Variants in TDRD9 observed in about 807,000 individuals in gnomAD.
The protein encoded by TDRD9 is tudor domain containing 9, also known as ATP-dependent RNA helicase TDRD9.
In TDRD9, 124 loss-of-function variants were observed where a neutral mutation model predicts 172.6. The observed-to-expected ratio is 0.72, with a 90% confidence interval of 0.62 to 0.83. The LOEUF (loss-of-function observed/expected upper bound fraction) is 0.83. Ranked by LOEUF, TDRD9 falls within the 40% of genes least tolerant of loss-of-function variation. The pLI, the probability that TDRD9 is intolerant of heterozygous loss-of-function variation, is 0.00. For missense variants in TDRD9, 1,479 were observed against 1,714.1 expected (o/e 0.86, Z 2.42); for synonymous variants, 619 against 617.1 (o/e 1.00, Z -0.05).
chr14:103,978,275 A>G (rs2033336274), intron 7 of TDRD9, among the ~76,000 whole-genome samples: 1 of 152,028 alleles, frequency 6.6e-6, no homozygotes, highest in African/African-American at 2.4e-5. Context: ...AGTCATTTTA[A>G]TAGTATAAAT....
chr14:104,023,636 C>T (rs1382167975), intron 24 of TDRD9, among the ~76,000 whole-genome samples: 1 of 152,232 alleles, frequency 6.6e-6, no homozygotes, highest in Non-Finnish European at 1.5e-5. Flanking sequence ...GACTGCTTGC[C>T]TTTTGGCCAT....
chr14:103,959,474 G>GTGTGTGTGTGTGTGTA (rs2032398990), intron 2 of TDRD9, among the ~76,000 whole-genome samples: 1 of 135,204 alleles, frequency 7.4e-6, no homozygotes, highest in Non-Finnish European at 1.6e-5. Context: ...GTGTGTGTGT[G>GTGTGTGTGTGTGTGTA]TGTGTGTATG....
intron 32 of TDRD9, among the ~76,000 whole-genome samples, chr14:104,038,027 C>T (rs748040954): frequency 1.1e-4 from 16 of 152,152 alleles, no homozygotes; most frequent in African/African-American, 1.7e-4. Flanking sequence ...TCTGAGAACA[C>T]GCTCTTATTG....
chr14:104,021,113 A>C (rs1430465258), intron 23 of TDRD9, among the ~76,000 whole-genome samples: 1 of 152,164 alleles, frequency 6.6e-6, no homozygotes, highest in Non-Finnish European at 1.5e-5. Flanking sequence ...AGGCCTCAGG[A>C]AACTTACAAT....
intron 19 of TDRD9, 110 bp downstream of exon 19, chr14:104,007,314 G>A (rs2034472450): frequency 9.7e-7 from 1 of 1,028,466 alleles, no homozygotes; most frequent in South Asian, 1.5e-5. Flanking sequence ...CCTGCGGCTG[G>A]AGTCGAGGTC....
At chr14:104,033,301 C>T (rs958423432) in intron 30 of TDRD9, among the ~76,000 whole-genome samples, 1 of 152,198 alleles carries the variant, frequency 6.6e-6, no homozygotes, top group Non-Finnish European at 1.5e-5. Context: ...CTTACAGTCT[C>T]AGGAGCCCCA....
At chr14:104,049,090 T>G (rs936334204) in intron 34 of TDRD9, among the ~76,000 whole-genome samples, 15 of 150,188 alleles carry the variant, frequency 1.0e-4, no homozygotes, top group Non-Finnish European at 2.2e-4. Flanking sequence ...TTCAAATGGT[T>G]GTTGTTGGTA....
chr14:103,938,440 A>ATTTTTTTTTTTTTTTT (rs71126087), intron 1 of TDRD9, among the ~76,000 whole-genome samples: 1 of 44,548 alleles, frequency 2.2e-5, no homozygotes, highest in Non-Finnish European at 3.7e-5. Flanking sequence ...ATATATATAT[A>ATTTTTTTTTTTTTTTT]TTTTTTTTTT....
chr14:104,033,491 G>A (rs2035348575), intron 30 of TDRD9, among the ~76,000 whole-genome samples: 1 of 152,230 alleles, frequency 6.6e-6, no homozygotes, highest in African/African-American at 2.4e-5. Flanking sequence ...AGCTGCATTA[G>A]AGTCAGTGCT....
At chr14:103,974,953 T>TCTCG (rs1240766350) in intron 6 of TDRD9, among the ~76,000 whole-genome samples, 1 of 152,094 alleles carries the variant, frequency 6.6e-6, no homozygotes. Flanking sequence ...TATTTTTTTG[T>TCTCG]AGAGACAGTG....
At chr14:103,984,658 A>G (rs2033598903) in intron 7 of TDRD9, among the ~76,000 whole-genome samples, 1 of 152,220 alleles carries the variant, frequency 6.6e-6, no homozygotes. Flanking sequence ...AACCTCTGCT[A>G]GGGCAGAGCA....
At chr14:103,964,476 G>A (rs1194748422) in intron 3 of TDRD9, among the ~76,000 whole-genome samples, 1 of 152,088 alleles carries the variant, frequency 6.6e-6, no homozygotes, top group South Asian at 2.1e-4. Context: ...AACCTGGCCT[G>A]GTTTTTCCAC....
At chr14:103,947,276 A>G (rs1475408518) in intron 1 of TDRD9, among the ~76,000 whole-genome samples, 2 of 152,170 alleles carry the variant, frequency 1.3e-5, no homozygotes, top group Non-Finnish European at 2.9e-5. Flanking sequence ...ATTAAGGGGA[A>G]AAGGACAGTT....
intron 1 of TDRD9, among the ~76,000 whole-genome samples, chr14:103,951,969 C>T (rs1377583917): frequency 6.6e-6 from 1 of 150,508 alleles, no homozygotes; most frequent in Non-Finnish European, 1.5e-5. Context: ...GGGGTTTCAC[C>T]TTATTAGCCA....
chr14:103,986,330 A>G lies in TDRD9; in HGVS notation c.1115+10A>G, dbSNP rs573116355. On this transcript the variant is annotated intron_variant, in intron 8 of 35. Transcript: ENST00000409874. ...ATATGAAGGAGAGTGGGTAAGAGATACTTCAGTTGGTAATGCACTTTAATG... is the reference window on the plus strand; with the variant it reads ...ATATGAAGGAGAGTGGGTAAGAGATGCTTCAGTTGGTAATGCACTTTAATG... 2.5e-4 allele frequency: 399 copies of G among 1,570,836 alleles called. 1 individual carries two copies. Among genetic ancestry groups the G allele is most frequent in the Non-Finnish European group, 3.4e-4 (387 of 1,147,466 alleles).
intron 7 of TDRD9, among the ~76,000 whole-genome samples, chr14:103,978,149 G>A (rs888654633): frequency 9.9e-5 from 15 of 151,478 alleles, no homozygotes; most frequent in Admixed American, 5.3e-4. Context: ...GCTTTGGCTT[G>A]TGAGATCTTT....
chr14:103,988,554 A>G (rs1196251293), intron 8 of TDRD9, among the ~76,000 whole-genome samples: 1 of 151,806 alleles, frequency 6.6e-6, no homozygotes, highest in Non-Finnish European at 1.5e-5. Context: ...TTTACATTTA[A>G]TTTTGTCACT....
At chr14:104,048,674 CAG>C (rs2035852167) in intron 34 of TDRD9, among the ~76,000 whole-genome samples, 1 of 152,118 alleles carries the variant, frequency 6.6e-6, no homozygotes, top group African/African-American at 2.4e-5. Context: ...CTCCATCAGT[CAG>C]GGATGTGTGG....
chr14:103,978,672 G>T (rs1011195173), intron 7 of TDRD9, among the ~76,000 whole-genome samples: 2 of 152,156 alleles, frequency 1.3e-5, no homozygotes, highest in Non-Finnish European at 2.9e-5. Context: ...TTAAACTGAG[G>T]TTATTGGTTT....
Sources: allele counts gnomAD v4.1 joint callset (sites outside exome capture counted in the v4.1 genomes callset), GRCh38; gene constraint gnomAD v4.1.1; transcripts MANE v1.5; gene names NCBI Gene and HGNC (gene_info 2026-07-23, HGNC 2026-07-21).